Variants in SLC2A9 observed in about 807,000 individuals in gnomAD.
The protein encoded by SLC2A9 is solute carrier family 2 member 9.
SLC2A9 carries 39 observed loss-of-function variants against 50.6 expected under a neutral mutation model. The observed-to-expected ratio is 0.77, with a 90% confidence interval of 0.60 to 1.01. The LOEUF is 1.01. Among genes scored for constraint, SLC2A9 ranks in the 50% least tolerant of loss-of-function variants. The pLI is 0.00. For missense variants in SLC2A9, 686 were observed against 677.6 expected, an observed-to-expected ratio of 1.01 and a Z score of -0.14; for synonymous variants, 324 against 276.9, an observed-to-expected ratio of 1.17 and a Z score of -1.69.
intron 5 of SLC2A9, among the ~76,000 whole-genome samples, chr4:9,942,275 G>A (rs2110276085): frequency 6.6e-6 from 1 of 152,328 alleles, no homozygotes; most frequent in East Asian, 1.9e-4. Context: ...GTGAGATAGT[G>A]ACCTGCAAGG....
chr4:9,948,947 T>C (rs1045987968), intron 5 of SLC2A9, among the ~76,000 whole-genome samples: 36 of 152,216 alleles, frequency 2.4e-4, no homozygotes, highest in African/African-American at 8.4e-4. Context: ...TGGCCAAACA[T>C]TAGTCAGCCC....
intron 1 of SLC2A9, 105 bp from the exon 2 acceptor site, chr4:10,019,178 A>C: frequency 4.3e-6 from 4 of 920,400 alleles, no homozygotes; most frequent in Non-Finnish European, 6.9e-6. Flanking sequence ...CCGGAGGAGA[A>C]GTCTTTGTCC....
At chr4:9,913,859 A>T (rs549163210) in intron 7 of SLC2A9, among the ~76,000 whole-genome samples, 2 of 152,282 alleles carry the variant, frequency 1.3e-5, no homozygotes, top group Admixed American at 6.5e-5. Flanking sequence ...CTCAAAATAG[A>T]GCTAACATTT....
intron 10 of SLC2A9, among the ~76,000 whole-genome samples, chr4:9,847,668 C>G (rs1352780434): frequency 6.6e-6 from 1 of 152,198 alleles, no homozygotes; most frequent in Non-Finnish European, 1.5e-5. Context: ...CATCTGAGGT[C>G]CACTGAGTCA....
At chr4:9,875,915 G>A (rs912923012) in intron 10 of SLC2A9, among the ~76,000 whole-genome samples, 3 of 152,214 alleles carry the variant, frequency 2.0e-5, no homozygotes, top group African/African-American at 7.2e-5. Context: ...AGAGTGTGGG[G>A]TCTGACATGG....
At chr4:10,002,833 AC>A (rs1760082262) in intron 2 of SLC2A9, among the ~76,000 whole-genome samples, 1 of 145,450 alleles carries the variant, frequency 6.9e-6, no homozygotes, top group South Asian at 2.3e-4. Flanking sequence ...AGCCTGGGGG[AC>A]TGAGCGAGAC....
intron 3 of SLC2A9, chr4:9,782,067 G>C: frequency 1.3e-6 from 2 of 1,496,632 alleles, no homozygotes; most frequent in East Asian, 2.3e-5. Context: ...GCGTACCCGG[G>C]GCAGTTCGCT....
At chr4:10,005,684 ACATGGTT>A (rs1362297265) in intron 2 of SLC2A9, among the ~76,000 whole-genome samples, 1 of 152,242 alleles carries the variant, frequency 6.6e-6, no homozygotes, top group African/African-American at 2.4e-5. Flanking sequence ...ATAAAAGGCT[ACATGGTT>A]AAAGCAAAGG....
intron 1 of SLC2A9, among the ~76,000 whole-genome samples, chr4:10,027,994 C>T (rs1220708391): frequency 6.6e-6 from 1 of 152,192 alleles, no homozygotes; most frequent in Non-Finnish European, 1.5e-5. Flanking sequence ...GTTTTCTGCA[C>T]ACTTCCAGAG....
chr4:9,922,449 A>G (rs1744110185), intron 6 of SLC2A9, among the ~76,000 whole-genome samples: 1 of 148,458 alleles, frequency 6.7e-6, no homozygotes, highest in Non-Finnish European at 1.5e-5. Context: ...AAACCTGCAC[A>G]TCCTGCACAT....
chr4:10,022,204 A>G (rs966621522), upstream of SLC2A9, among the ~76,000 whole-genome samples: 8 of 152,196 alleles, frequency 5.3e-5, no homozygotes, highest in Non-Finnish European at 8.8e-5. Flanking sequence ...TGCAACTTCT[A>G]CCACTGCAAA....
rs1748174355 is a variant in SLC2A9 at position 9,941,781 on chromosome 4, C to T, written c.814+132G>A. On this transcript the variant is annotated intron_variant, in intron 6 of 11. Transcript: ENST00000264784. Reference sequence around the variant, plus strand: ...TGAAATGAGAAGGTACCCTATGATACCCAGCCCAGTGCCTGCAAAAAGGAA... The same window carrying T: ...TGAAATGAGAAGGTACCCTATGATATCCAGCCCAGTGCCTGCAAAAAGGAA... The T allele has an allele frequency of 9.9e-6, 13 of 1,315,314 alleles. No homozygotes were observed. In the South Asian group the frequency reaches 1.3e-4, roughly 13 times the overall value. The allele number at this position is 1,315,314 out of a possible 1,614,324, so 81.5% of individuals were successfully genotyped here.
intron 10 of SLC2A9, among the ~76,000 whole-genome samples, chr4:9,865,816 GA>G (rs3215275): frequency 0.12 from 18,629 of 152,218 alleles, 1,341 homozygotes; most frequent in African/African-American, 0.17. Flanking sequence ...GACGGTCTTT[GA>G]AGATTTGCCA....
intron 6 of SLC2A9, among the ~76,000 whole-genome samples, chr4:9,929,206 C>A (rs551342128): frequency 7.9e-5 from 12 of 152,356 alleles, no homozygotes; most frequent in African/African-American, 2.6e-4. Flanking sequence ...AGTCAGTATT[C>A]CCACTTTGCA....
At position 10,003,415 on chromosome 4, in the gene SLC2A9, G is replaced by A. The variant is rs540461741; in HGVS notation, c.250-6474C>T. On this transcript the variant is annotated intron_variant, in intron 2 of 11. Transcript: ENST00000264784. ...GGGTTTTCAGCTCACCCACTACCAAGCATTGCTTTGGGAGTCTGTGGAAGT... is the reference window on the plus strand; with the variant it reads ...GGGTTTTCAGCTCACCCACTACCAAACATTGCTTTGGGAGTCTGTGGAAGT... Among the ~76,000 whole-genome samples, 312 of 152,298 alleles carry A rather than the reference G, an allele frequency of 2.0e-3. 1 individual carries two copies. The highest frequency in any genetic ancestry group is 7.2e-3 in the African/African-American group (299 of 41,574).
At chr4:9,778,045 T>C (rs1306890614), downstream of SLC2A9, among the ~76,000 whole-genome samples, 1 of 21,892 alleles carries the variant, frequency 4.6e-5, no homozygotes, top group Non-Finnish European at 1.4e-4. Flanking sequence ...ATTTTCTTTC[T>C]TTCTTTCTTT....
At chr4:9,937,081 AG>A (rs1378781697) in intron 6 of SLC2A9, among the ~76,000 whole-genome samples, 1 of 152,144 alleles carries the variant, frequency 6.6e-6, no homozygotes, top group East Asian at 1.9e-4. Flanking sequence ...GCAATCTCAA[AG>A]GTTGCACGGG....
At chr4:10,017,855 A>C (rs1762874309) in intron 2 of SLC2A9, among the ~76,000 whole-genome samples, 1 of 151,244 alleles carries the variant, frequency 6.6e-6, no homozygotes, top group Non-Finnish European at 1.5e-5. Flanking sequence ...ATTTCCCCAG[A>C]TGTGTCCTAT....
chr4:9,891,119 G>A (rs116913486), intron 8 of SLC2A9, among the ~76,000 whole-genome samples: 108 of 152,266 alleles, frequency 7.1e-4, no homozygotes, highest in East Asian at 6.4e-3. Flanking sequence ...CATCCACAGC[G>A]GGGCACAGGG....
Sources: allele counts gnomAD v4.1 joint callset (sites outside exome capture counted in the v4.1 genomes callset), GRCh38; gene constraint gnomAD v4.1.1; transcripts MANE v1.5; gene names NCBI Gene and HGNC (gene_info 2026-07-23, HGNC 2026-07-21).